ENKUR: variants seen among roughly 807,000 people sequenced by gnomAD.
The protein encoded by ENKUR is enkurin.
Under a neutral mutation model 27.6 loss-of-function variants are expected in ENKUR, and 19 were observed. The ratio of observed to expected loss-of-function variants is 0.69; its 90% CI spans 0.48 to 1.01. The LOEUF (loss-of-function observed/expected upper bound fraction) is 1.01. ENKUR is among the 50% of genes least tolerant of loss of function. ENKUR has a pLI of 0.00. For missense variants in ENKUR, 312 were observed against 310.5 expected, an observed-to-expected ratio of 1.00 and a Z score of -0.04; for synonymous variants, 117 against 96.9, an observed-to-expected ratio of 1.21 and a Z score of -1.22.
chr10:25,052,047 C>T (rs1478049490), intron 2 of ENKUR, among the ~76,000 whole-genome samples: 1 of 152,066 alleles, frequency 6.6e-6, no homozygotes, highest in Non-Finnish European at 1.5e-5. Context: ...ATTTAAGCAC[C>T]AAAGAATAGA....
chr10:24,991,538 C>T (rs1052271455), intron 3 of ENKUR, among the ~76,000 whole-genome samples: 15 of 152,152 alleles, frequency 9.9e-5, no homozygotes, highest in Admixed American at 2.6e-4. Flanking sequence ...ACCAGCATGC[C>T]GGCAGGCCAT....
chr10:25,035,611 C>G (rs1304129290), intron 2 of ENKUR, among the ~76,000 whole-genome samples: 2 of 151,432 alleles, frequency 1.3e-5, no homozygotes, highest in Non-Finnish European at 2.9e-5. Flanking sequence ...CTCTATTTTT[C>G]CAGTGACCAG....
intron 2 of ENKUR, among the ~76,000 whole-genome samples, chr10:25,037,898 C>T (rs1032383797): frequency 6.6e-6 from 1 of 152,138 alleles, no homozygotes; most frequent in Admixed American, 6.5e-5. Flanking sequence ...TCATCGTTAT[C>T]ATTTTCACAA....
chr10:25,042,331 C>G (rs963624931), intron 2 of ENKUR, among the ~76,000 whole-genome samples: 1 of 151,042 alleles, frequency 6.6e-6, no homozygotes, highest in African/African-American at 2.4e-5. Flanking sequence ...GTATGTCACC[C>G]AGGCTGGAGT....
intron 2 of ENKUR, among the ~76,000 whole-genome samples, chr10:25,040,764 TGAAAA>T (rs1264129987): frequency 6.6e-6 from 1 of 152,218 alleles, no homozygotes; most frequent in Non-Finnish European, 1.5e-5. Flanking sequence ...GAAATAATGT[TGAAAA>T]GAATACTAAT....
In ENKUR at chr10:25,033,227, G is replaced by A. The variant is rs1850956819; in HGVS notation, c.37+27885C>T. Among the ~76,000 whole-genome samples, 3 of 151,692 alleles carry A rather than the reference G, an allele frequency of 2.0e-5. No homozygotes were observed. The South Asian group carries it at 6.3e-4, about 32-fold the overall frequency. ...TTCAAGACCAGCCTGGTTAACATAG[G>A]GAGACCTCTCTACAAAAATTTAAAA... On this transcript the variant is annotated intron_variant, in intron 2 of 5. Coordinates refer to the ENKUR transcript ENST00000615958.
At chr10:25,043,348 A>G (rs1328797476) in intron 2 of ENKUR, among the ~76,000 whole-genome samples, 2 of 152,218 alleles carry the variant, frequency 1.3e-5, no homozygotes, top group Non-Finnish European at 2.9e-5. Context: ...TTTTTATATC[A>G]ATAGAATTGT....
At chr10:25,054,923 C>T (rs948776176) in intron 2 of ENKUR, among the ~76,000 whole-genome samples, 8 of 152,096 alleles carry the variant, frequency 5.3e-5, no homozygotes, top group African/African-American at 1.7e-4. Flanking sequence ...GATCTGCCTG[C>T]CTTGGTTTCC....
chr10:24,992,071 G>T (rs1849941097), intron 3 of ENKUR, among the ~76,000 whole-genome samples: 1 of 152,218 alleles, frequency 6.6e-6, no homozygotes, highest in Middle Eastern at 3.2e-3. Context: ...CATCAGCTGT[G>T]ATTCTTTCAG....
At chr10:25,014,421 C>A (rs1190568698) in intron 1 of ENKUR, among the ~76,000 whole-genome samples, 1 of 152,006 alleles carries the variant, frequency 6.6e-6, no homozygotes, top group Non-Finnish European at 1.5e-5. Context: ...ATCACTCCAA[C>A]AGCACCAAGA....
chr10:25,036,500 T>G lies in ENKUR; in HGVS notation c.37+24612A>C, dbSNP rs188691811. On this transcript the variant is annotated intron_variant, in intron 2 of 5. Coordinates refer to the ENKUR transcript ENST00000615958. ...TTCAAACAGATGTTTTTAAAGTATTTGTTCCACTTTTCTTTGGGGAAAGAT... is the reference window on the plus strand; with the variant it reads ...TTCAAACAGATGTTTTTAAAGTATTGGTTCCACTTTTCTTTGGGGAAAGAT... Among the ~76,000 whole-genome samples, 367 of 152,310 alleles carry G rather than the reference T, an allele frequency of 2.4e-3. 1 individual carries two copies. The highest frequency in any genetic ancestry group is 6.8e-3 in the Middle Eastern group (2 of 294).
intron 2 of ENKUR, among the ~76,000 whole-genome samples, chr10:25,056,964 A>G (rs1851265656): frequency 6.6e-6 from 1 of 152,234 alleles, no homozygotes; most frequent in Non-Finnish European, 1.5e-5. Flanking sequence ...GTCTGCAGAC[A>G]GATGTCATAG....
chr10:25,006,816 G>A (rs1850323012), intron 1 of ENKUR, among the ~76,000 whole-genome samples: 1 of 152,070 alleles, frequency 6.6e-6, no homozygotes, highest in Non-Finnish European at 1.5e-5. Flanking sequence ...TACGAGCTTT[G>A]GTATTAGATT....
chr10:25,058,164 C>T (rs1851281669), intron 2 of ENKUR, among the ~76,000 whole-genome samples: 1 of 151,920 alleles, frequency 6.6e-6, no homozygotes, highest in Admixed American at 6.6e-5. Context: ...ACCTTCCTCC[C>T]TCTACTTGTC....
intron 2 of ENKUR, chr10:25,023,126 G>A (rs974281637): frequency 4.9e-6 from 6 of 1,218,990 alleles, no homozygotes; most frequent in Non-Finnish European, 6.8e-6. Flanking sequence ...ACTGTAATTA[G>A]TAACCAAATT....
intron 2 of ENKUR, chr10:25,024,101 A>T (rs1165011630): frequency 6.8e-6 from 11 of 1,614,114 alleles, no homozygotes; most frequent in Non-Finnish European, 9.3e-6. Context: ...GAAAGAGCAC[A>T]GATACTGTTG....
At chr10:25,006,580 C>T (rs1169532712) in intron 1 of ENKUR, among the ~76,000 whole-genome samples, 2 of 152,198 alleles carry the variant, frequency 1.3e-5, no homozygotes, top group African/African-American at 4.8e-5. Flanking sequence ...TGTAGGTCCT[C>T]ATTTGTAGCT....
At chr10:25,034,685 T>C (rs1241771311) in intron 2 of ENKUR, among the ~76,000 whole-genome samples, 1 of 152,208 alleles carries the variant, frequency 6.6e-6, no homozygotes, top group Non-Finnish European at 1.5e-5. Flanking sequence ...CACCATTTCT[T>C]GTAAATTCCA....
intron 1 of ENKUR, among the ~76,000 whole-genome samples, chr10:25,007,442 G>A (rs966363341): frequency 1.3e-5 from 2 of 151,914 alleles, no homozygotes; most frequent in Admixed American, 6.6e-5. Context: ...TTGTTTGTTT[G>A]TTTATTTATT....
Sources: gnomAD v4.1 joint callset for allele counts (sites outside exome capture counted in the v4.1 genomes callset) on GRCh38, gnomAD v4.1.1 for gene constraint, MANE v1.5 for transcripts, NCBI Gene and HGNC (gene_info 2026-07-23, HGNC 2026-07-21) for gene names.